Variants in ZKSCAN7 observed in about 807,000 individuals in gnomAD.
The protein encoded by ZKSCAN7 is zinc finger protein with KRAB and SCAN domains 7.
ZKSCAN7 carries 38 observed loss-of-function variants against 65.3 expected under a neutral mutation model. That is an observed-to-expected ratio of 0.58 (90% confidence interval 0.45 to 0.76). The LOEUF is 0.76. Among genes scored for constraint, ZKSCAN7 ranks in the 30% least tolerant of loss-of-function variants. The probability of loss-of-function intolerance (pLI) is 0.00; values close to 1 mark genes in which losing one functional copy is unlikely to be tolerated. For missense variants in ZKSCAN7, 815 were observed against 913.3 expected, an observed-to-expected ratio of 0.89 and a Z score of 1.39; for synonymous variants, 321 against 321.0, an observed-to-expected ratio of 1.00 and a Z score of 0.00.
rs1699809796 is a variant in ZKSCAN7 at position 44,571,529 on chromosome 3, TTA to T, written c.*156_*157del. ...ACTAAGGTGGGAGAGTAGGAGTAAC[TTA>T]TTCCAGTTCTTACCCATTATTAGGA... On this transcript the variant is annotated 3_prime_UTR_variant, in exon 6 of 6. Coordinates refer to ENST00000426540, the MANE Select transcript of ZKSCAN7 (RefSeq NM_001288590.2). The T allele has an allele frequency of 2.0e-5, 31 of 1,545,572 alleles. 1 individual carries two copies. In the South Asian group the frequency reaches 3.7e-4, roughly 18 times the overall value.
chr3:44,557,691 G>C (rs1371365894), intron 2 of ZKSCAN7: 1 of 629,454 alleles, frequency 1.6e-6, no homozygotes, highest in Admixed American at 3.2e-5. Flanking sequence ...ACTGTGTTCT[G>C]AGCCTAGCTT....
chr3:44,570,892 CATTGAGCA>C lies in ZKSCAN7; in HGVS notation c.1783_1790del (p.Ile595Ter), dbSNP rs758257963. 4.0e-5 allele frequency: 64 copies of C among 1,613,954 alleles called. No individual in the cohort carries two copies. The highest frequency in any genetic ancestry group is 5.3e-5 in the Non-Finnish European group (62 of 1,180,022). On this transcript the variant is annotated frameshift_variant, in exon 6 of 6. Coordinates refer to ENST00000426540, the MANE Select transcript of ZKSCAN7 (RefSeq NM_001288590.2). LOFTEE classifies it high-confidence loss of function. ...AAGCCTTCAATCAGAACTCTCAACT[CATTGAGCA>C]TGAGCGAATTCATACTGGAGAAAAA...
At chr3:44,573,741 G>A (rs913472055), downstream of ZKSCAN7, among the ~76,000 whole-genome samples, 17 of 152,128 alleles carry the variant, frequency 1.1e-4, no homozygotes, top group Non-Finnish European at 2.2e-4. Context: ...TCAATAGAAC[G>A]TTCCTGCTTA....
chr3:44,564,118 G>A (rs1325886733), intron 2 of ZKSCAN7, among the ~76,000 whole-genome samples: 3 of 152,310 alleles, frequency 2.0e-5, no homozygotes, highest in South Asian at 4.1e-4. Context: ...ACTTTAAAAT[G>A]TGCCTTATTT....
intron 2 of ZKSCAN7, among the ~76,000 whole-genome samples, chr3:44,565,024 A>G (rs998696767): frequency 1.3e-5 from 2 of 152,144 alleles, no homozygotes; most frequent in African/African-American, 2.4e-5. Flanking sequence ...GCTGGTCTCG[A>G]ACTCCTGACC....
At chr3:44,579,159 C>T (rs186555498) in intron 5 of ZKSCAN7, among the ~76,000 whole-genome samples, 6 of 152,360 alleles carry the variant, frequency 3.9e-5, no homozygotes, top group South Asian at 2.1e-4. Flanking sequence ...GTCTTGAGGT[C>T]GCTCACAGGC....
chr3:44,555,559 A>G (rs1033714797), intron 1 of ZKSCAN7, 78 bp downstream of exon 1: 1 of 152,248 alleles, frequency 6.6e-6, no homozygotes, highest in Non-Finnish European at 1.5e-5. Context: ...AGGAAACTGT[A>G]TGAACTGTCA....
At chr3:44,581,369 C>T (rs565474406) in intron 5 of ZKSCAN7, among the ~76,000 whole-genome samples, 1 of 144,440 alleles carries the variant, frequency 6.9e-6, no homozygotes, top group East Asian at 1.9e-4. Context: ...CAGCGCCCCG[C>T]GGCCGCTGCA....
rs372593987 is a variant in ZKSCAN7, at chr3:44,578,704, G to A, written c.812-4268G>A. Among the ~76,000 whole-genome samples the A allele has an allele frequency of 4.0e-3, 609 of 152,332 alleles. 2 individuals carry two copies. The highest frequency in any genetic ancestry group is 0.013 in the African/African-American group (538 of 41,574). On this transcript the variant is annotated intron_variant, in intron 5 of 5. Coordinates refer to the ZKSCAN7 transcript ENST00000341840. ...CCCGCTCCATCTCCTCCCGGTGGGC[G>A]TTCTTCATGGCTTCGATGGCTGAGA...
At chr3:44,581,016 G>A in intron 5 of ZKSCAN7, 1 of 1,598,424 alleles carries the variant, frequency 6.3e-7, no homozygotes, top group Non-Finnish European at 8.5e-7. Flanking sequence ...GTTCTCCTTG[G>A]CTGCCGACAT....
chr3:44,575,578 TTTTA>T (rs1181808011), downstream of ZKSCAN7, among the ~76,000 whole-genome samples: 2 of 152,202 alleles, frequency 1.3e-5, no homozygotes, highest in Non-Finnish European at 2.9e-5. Context: ...GATAAATCTA[TTTTA>T]TTTATTTATT....
chr3:44,579,841 A>G (rs564401444), intron 5 of ZKSCAN7: 9 of 1,611,520 alleles, frequency 5.6e-6, no homozygotes, highest in Non-Finnish European at 8.5e-7. Flanking sequence ...GGCTGTCCTC[A>G]TACTGCTTAG....
chr3:44,559,287 G>C (rs1038567673), intron 2 of ZKSCAN7, among the ~76,000 whole-genome samples: 4 of 151,986 alleles, frequency 2.6e-5, no homozygotes, highest in Non-Finnish European at 5.9e-5. Context: ...ATCACACCAT[G>C]GATAAGTTAG....
downstream of ZKSCAN7, among the ~76,000 whole-genome samples, chr3:44,573,357 A>C (rs139737889): frequency 5.5e-4 from 83 of 152,292 alleles, 1 homozygote; most frequent in East Asian, 0.016. Flanking sequence ...CGAGTTATAT[A>C]ATCTGGAGGG....
chr3:44,563,270 C>A (rs1312303114), intron 2 of ZKSCAN7, among the ~76,000 whole-genome samples: 1 of 152,244 alleles, frequency 6.6e-6, no homozygotes, highest in Non-Finnish European at 1.5e-5. Flanking sequence ...GCCCTCCAAA[C>A]TGTTTCAGCC....
At chr3:44,581,026 T>G in intron 5 of ZKSCAN7, 1 of 1,575,242 alleles carries the variant, frequency 6.3e-7, no homozygotes. Context: ...GCTGCCGACA[T>G]GGTCGGCGCG....
chr3:44,575,045 C>T (rs747148478), downstream of ZKSCAN7, among the ~76,000 whole-genome samples: 10 of 152,138 alleles, frequency 6.6e-5, no homozygotes, highest in Admixed American at 1.3e-4. Context: ...GTAATCCCAG[C>T]GTTTTGGGAG....
chr3:44,565,827 G>A (rs1044295064), intron 3 of ZKSCAN7, among the ~76,000 whole-genome samples, 172 bp downstream of exon 3: 2 of 152,160 alleles, frequency 1.3e-5, no homozygotes, highest in African/African-American at 4.8e-5. Context: ...AATCATTCGT[G>A]TAGTTAGTAA....
At chr3:44,578,822 T>G (rs967507185) in intron 5 of ZKSCAN7, among the ~76,000 whole-genome samples, 1 of 150,660 alleles carries the variant, frequency 6.6e-6, no homozygotes, top group Non-Finnish European at 1.5e-5. Flanking sequence ...ATCTTCAATC[T>G]TCTTCTGGTG....
Sources: allele counts gnomAD v4.1 joint callset (sites outside exome capture counted in the v4.1 genomes callset), GRCh38; gene constraint gnomAD v4.1.1; transcripts MANE v1.5; gene names NCBI Gene and HGNC (gene_info 2026-07-23, HGNC 2026-07-21).